Variants in TTYH2 observed in about 807,000 individuals in gnomAD.
TTYH2 encodes the protein tweety family member 2, also known as protein tweety homolog 2.
A neutral mutation model predicts 68.3 loss-of-function variants in TTYH2; 49 were observed. The ratio of observed to expected loss-of-function variants is 0.72; its 90% CI spans 0.57 to 0.91. TTYH2 has a LOEUF of 0.91. Among genes scored for constraint, TTYH2 ranks in the 40% least tolerant of loss-of-function variants. The pLI is 0.00. For missense variants in TTYH2, 631 were observed against 700.4 expected (o/e 0.90, Z 1.12); for synonymous variants, 272 against 300.8 (o/e 0.90, Z 0.99).
At chr17:74,247,832 A>AGTGCGTGCGTGC (rs570891217) in intron 6 of TTYH2, 2 of 152,138 alleles carry the variant, frequency 1.3e-5, no homozygotes, top group Admixed American at 1.3e-4. Context: ...CAGGGTCTTA[A>AGTGCGTGCGTGC]GTGCGTGCGT....
intron 1 of TTYH2, among the ~76,000 whole-genome samples, chr17:74,219,543 G>A (rs1374082962): frequency 6.6e-6 from 1 of 152,094 alleles, no homozygotes; most frequent in East Asian, 1.9e-4. Context: ...CCCCCTAGAA[G>A]CCCCCTTCGT....
chr17:74,252,741 C>T (rs2050647039), intron 11 of TTYH2, among the ~76,000 whole-genome samples: 2 of 152,220 alleles, frequency 1.3e-5, no homozygotes, highest in African/African-American at 2.4e-5. Flanking sequence ...TACATGGGGT[C>T]ACTGTTTTCA....
intron 5 of TTYH2, 130 bp from the exon 6 acceptor site, chr17:74,243,847 G>A (rs1268773120): frequency 8.6e-6 from 7 of 814,958 alleles, no homozygotes; most frequent in Non-Finnish European, 1.2e-5. Context: ...TAGTGAGCAG[G>A]GCCCACGTCA....
At chr17:74,259,649 C>T (rs370851620) in intron 13 of TTYH2, among the ~76,000 whole-genome samples, 4 of 152,172 alleles carry the variant, frequency 2.6e-5, no homozygotes, top group African/African-American at 9.7e-5. Flanking sequence ...AAGGCTCTTC[C>T]CTGCTCCATA....
At position 74,232,141 on chromosome 17, in the gene TTYH2, C is replaced by T. The variant is rs1441670096; in HGVS notation, c.414+1142C>T. ...CAGCCTCTGCCACAAAATCCAGCCC[C>T]AACAGGAGAATTTGGCCATTGCCCC... On this transcript the variant is annotated intron_variant, in intron 3 of 13. Transcript: ENST00000269346. The surrounding 1 kb of genome is among the most constrained non-coding windows in gnomAD (Gnocchi z 5.1). 2.0e-5 allele frequency among the ~76,000 whole-genome samples: 3 copies of T among 152,230 alleles called. No homozygotes were observed. Among genetic ancestry groups the T allele is most frequent in the Admixed American group, 2.0e-4 (3 of 15,290 alleles).
Position 74,243,280 on chromosome 17 carries a change from G to A in TTYH2, c.636-94G>A. 3 of 1,037,360 alleles carry A rather than the reference G, an allele frequency of 2.9e-6. No homozygotes were observed. The South Asian group carries it at 3.9e-5, about 13-fold the overall frequency. The allele number at this position is 1,037,360 out of a possible 1,614,324, so 64.3% of individuals were successfully genotyped here. ...CAGCATGTCCATAGTAGAGGGTCCA[G>A]TGTGTCCCAGGGCTGCCGTGCAGGC... On this transcript the variant is annotated intron_variant, in intron 4 of 13. Coordinates refer to ENST00000269346, the MANE Select transcript of TTYH2 (RefSeq NM_032646.6).
chr17:74,230,249 A>G (rs1005075894), intron 2 of TTYH2, among the ~76,000 whole-genome samples: 5 of 113,606 alleles, frequency 4.4e-5, no homozygotes, highest in African/African-American at 2.5e-4. Context: ...TGGACACGTC[A>G]TTTTTTCATT....
In TTYH2 at chr17:74,222,433, AGCCCCGCACT is replaced by A; in HGVS notation, c.130-49_130-40del. ...GGGCCCAAGGGCAGGGCACTTCCAG[AGCCCCGCACT>A]GCAGGGATGAAGAGTGACAACAGGC... On this transcript the variant is annotated intron_variant, in intron 1 of 13. Transcript: ENST00000269346. The surrounding 1 kb of genome is among the most constrained non-coding windows in gnomAD (Gnocchi z 5.2). The A allele has an allele frequency of 2.6e-6, 4 of 1,532,082 alleles. No individual in the cohort carries two copies. The highest frequency in any genetic ancestry group is 3.5e-6 in the Non-Finnish European group (4 of 1,140,228). 94.9% of individuals were successfully genotyped at this position (1,532,082 alleles called of 1,614,324 possible).
At chr17:74,238,573 A>T (rs896145945) in intron 4 of TTYH2, among the ~76,000 whole-genome samples, 35 of 151,476 alleles carry the variant, frequency 2.3e-4, no homozygotes, top group African/African-American at 6.5e-4. Context: ...GTTTAAAAAA[A>T]TTTTTTTTTG....
rs1342356233 is a variant in TTYH2, at chr17:74,215,685, G to A, written c.129+1969G>A. 1 of 1,535,164 alleles carries A rather than the reference G, an allele frequency of 6.5e-7. No homozygotes were observed. The highest frequency in any genetic ancestry group is 2.0e-5 in the Admixed American group (1 of 50,994). ...GCCAGGACCGGAAGTCTGGCTCTGGGTGTTATTTAAGGTGGCTCCTGTTTT... is the reference window on the plus strand; with the variant it reads ...GCCAGGACCGGAAGTCTGGCTCTGGATGTTATTTAAGGTGGCTCCTGTTTT... On this transcript the variant is annotated intron_variant, in intron 1 of 13. Transcript: ENST00000269346. This position sits in a 1 kb window ranked among gnomAD's most constrained non-coding sequence, Gnocchi z 4.3.
chr17:74,230,506 T>C (rs1414783121), intron 2 of TTYH2, among the ~76,000 whole-genome samples: 1 of 152,162 alleles, frequency 6.6e-6, no homozygotes, highest in Non-Finnish European at 1.5e-5. Context: ...GGCTCATCAG[T>C]TGTAATGGAT....
In TTYH2 at chr17:74,213,692, C is replaced by T. The variant is rs770661509; in HGVS notation, c.105C>T (p.Ser35=). 20 of 1,612,530 alleles carry T rather than the reference C, an allele frequency of 1.2e-5. No individual in the cohort carries two copies. Among genetic ancestry groups the T allele is most frequent in the Admixed American group, 8.3e-5 (5 of 59,932 alleles). Residue 35 remains serine, a synonymous_variant, in exon 1 of 14, where the codon AGC becomes AGT. Coordinates refer to ENST00000269346, the MANE Select transcript of TTYH2 (RefSeq NM_032646.6). This position sits in a 1 kb window ranked among gnomAD's most constrained non-coding sequence, Gnocchi z 6.1. ...TGCAGCCCGTGAACAGCACCTTCAG[C>T]CCCGGCGACGAGAGTTACCAGGAGG... ...LRLQPVNSTF[S]PGDESYQESL... is the part of the protein sequence containing the mutation.
rs945569071 is a variant in TTYH2, at chr17:74,232,370, G to A, written c.414+1371G>A. Among the ~76,000 whole-genome samples the A allele has an allele frequency of 6.6e-6, 1 of 152,168 alleles. No homozygotes were observed. Among genetic ancestry groups the A allele is most frequent in the Non-Finnish European group, 1.5e-5 (1 of 68,020 alleles). On this transcript the variant is annotated intron_variant, in intron 3 of 13. Coordinates refer to ENST00000269346, the MANE Select transcript of TTYH2 (RefSeq NM_032646.6). This position sits in a 1 kb window ranked among gnomAD's most constrained non-coding sequence, Gnocchi z 5.1. ...GCTGAGGGTGGCTACAAAACCAGGG[G>A]CCCTGGTCCTTTGCAGAGTTCATTC...
chr17:74,243,807 A>C (rs1190616108), intron 5 of TTYH2, among the ~76,000 whole-genome samples, 170 bp from the exon 6 acceptor site: 1 of 151,976 alleles, frequency 6.6e-6, no homozygotes, highest in East Asian at 1.9e-4. Context: ...CTTTAGCCTC[A>C]AGGACCTGGG....
intron 4 of TTYH2, among the ~76,000 whole-genome samples, chr17:74,238,376 G>T (rs960395127): frequency 3.3e-5 from 5 of 152,184 alleles, no homozygotes; most frequent in African/African-American, 1.2e-4. Context: ...AGGGAGGAAT[G>T]AGGCTGTGTC....
chr17:74,255,777 G>A (rs576073099), intron 13 of TTYH2, among the ~76,000 whole-genome samples: 5 of 152,342 alleles, frequency 3.3e-5, no homozygotes, highest in African/African-American at 7.2e-5. Context: ...GGGAATGAAA[G>A]GCCAGAAGTC....
At chr17:74,227,798 T>C (rs1298635939) in intron 2 of TTYH2, among the ~76,000 whole-genome samples, 1 of 150,580 alleles carries the variant, frequency 6.6e-6, no homozygotes, top group Non-Finnish European at 1.5e-5. Context: ...CCATCTTGGA[T>C]GATACAGGAA....
chr17:74,223,612 C>T (rs1461905789), intron 2 of TTYH2, among the ~76,000 whole-genome samples: 1 of 152,212 alleles, frequency 6.6e-6, no homozygotes, highest in Non-Finnish European at 1.5e-5. Context: ...CCCCAGCTGG[C>T]GTCCACATGC....
chr17:74,221,891 G>C (rs993072523), intron 1 of TTYH2, among the ~76,000 whole-genome samples: 3 of 152,120 alleles, frequency 2.0e-5, no homozygotes, highest in Non-Finnish European at 2.9e-5. Flanking sequence ...CGATTCTCAG[G>C]ATGGACCCCA....
Sources: gnomAD v4.1 joint callset for allele counts (sites outside exome capture counted in the v4.1 genomes callset) on GRCh38, gnomAD v4.1.1 for gene constraint, Gnocchi (gnomAD v3.1) non-coding constraint, MANE v1.5 for transcripts, NCBI Gene and HGNC (gene_info 2026-07-23, HGNC 2026-07-21) for gene names.